DNER: variants seen among roughly 807,000 people sequenced by gnomAD.
DNER encodes the protein delta/notch like EGF repeat containing.
In DNER, 33 loss-of-function variants were observed where a neutral mutation model predicts 78.2. That is an observed-to-expected ratio of 0.42 (90% CI 0.32 to 0.56). DNER has a LOEUF of 0.56. DNER is among the 20% of genes least tolerant of loss of function. The pLI is 0.11. For synonymous variants in DNER, 417 were observed against 384.8 expected (o/e 1.08, Z -0.98); for missense variants, 918 against 975.3 (o/e 0.94, Z 0.78).
chr2:229,606,712 G>T (rs1206790255), intron 1 of DNER, among the ~76,000 whole-genome samples: 1 of 152,062 alleles, frequency 6.6e-6, no homozygotes, highest in African/African-American at 2.4e-5. Context: ...GACCAACATG[G>T]TGAAACCCTG....
chr2:229,506,689 G>T (rs529296967), intron 6 of DNER, among the ~76,000 whole-genome samples: 18 of 136,644 alleles, frequency 1.3e-4, no homozygotes, highest in Non-Finnish European at 2.6e-4. Flanking sequence ...CCCACCACAG[G>T]CCCCGGTGTG....
chr2:229,409,389 T>C (rs1234474028), intron 9 of DNER, among the ~76,000 whole-genome samples: 1 of 152,188 alleles, frequency 6.6e-6, no homozygotes, highest in Non-Finnish European at 1.5e-5. Context: ...ACATTTCCAT[T>C]AGACCTGAAG....
At chr2:229,383,914 T>C (rs573246500) in intron 11 of DNER, among the ~76,000 whole-genome samples, 4 of 152,250 alleles carry the variant, frequency 2.6e-5, no homozygotes, top group African/African-American at 7.2e-5. Flanking sequence ...GCAGACCTAA[T>C]AGACATCTAC....
Position 229,588,458 on chromosome 2 carries a change from T to A in DNER, c.616A>T (p.Ser206Cys). Residue 206 changes from serine (S) to cysteine (C), a missense_variant, in exon 3 of 13, where the codon AGT becomes TGT. By Grantham distance (112) the Ser-to-Cys change is moderately radical (BLOSUM62 -1). Coordinates refer to ENST00000341772, the MANE Select transcript of DNER (RefSeq NM_139072.4). Reference sequence around the variant, plus strand: ...CGGCCACCCGCAGAGCTGTTAGAACTGGCATTCCCACAGGCAATATCTGGG... The same window carrying A: ...CGGCCACCCGCAGAGCTGTTAGAACAGGCATTCCCACAGGCAATATCTGGG... ...VIPDIACGNA[S>C]SNSSAGGRLV... The A allele has an allele frequency of 6.3e-7, 1 of 1,586,612 alleles. No homozygotes were observed. The highest frequency in any genetic ancestry group is 8.6e-7 in the Non-Finnish European group (1 of 1,163,746).
At chr2:229,372,170 G>A (rs1193536703) in intron 11 of DNER, among the ~76,000 whole-genome samples, 2 of 152,214 alleles carry the variant, frequency 1.3e-5, no homozygotes, top group African/African-American at 2.4e-5. Context: ...GGAAAGCAAG[G>A]GAAAATAGAG....
intron 1 of DNER, among the ~76,000 whole-genome samples, chr2:229,676,500 C>A (rs1344421336): frequency 2.0e-5 from 3 of 152,166 alleles, no homozygotes; most frequent in African/African-American, 7.2e-5. Context: ...TGGCCCGATC[C>A]TAAGACTTTT....
chr2:229,422,883 G>A (rs1693796798), intron 8 of DNER, among the ~76,000 whole-genome samples: 1 of 152,158 alleles, frequency 6.6e-6, no homozygotes, highest in Non-Finnish European at 1.5e-5. Flanking sequence ...GCAAAAAGGA[G>A]GAGAAAAGCC....
intron 1 of DNER, among the ~76,000 whole-genome samples, chr2:229,710,983 GCACACACACACACACACACACA>G (rs34720917): frequency 2.1e-5 from 3 of 139,724 alleles, no homozygotes; most frequent in Non-Finnish European, 3.1e-5. Flanking sequence ...GCATACACGC[GCACACACACACACACACACACA>G]CACACACACA....
intron 4 of DNER, among the ~76,000 whole-genome samples, chr2:229,560,902 A>AG (rs113260013): frequency 0.014 from 2,110 of 152,290 alleles, 64 homozygotes; most frequent in African/African-American, 0.048. Flanking sequence ...GCATTTAAAA[A>AG]GTGTCACCAC....
intron 5 of DNER, among the ~76,000 whole-genome samples, chr2:229,515,126 AG>A (rs1254725153): frequency 1.3e-5 from 2 of 152,202 alleles, no homozygotes; most frequent in Non-Finnish European, 2.9e-5. Context: ...TCTTCATTCT[AG>A]CAATAAAATG....
At chr2:229,644,835 T>G (rs1320542450) in intron 1 of DNER, among the ~76,000 whole-genome samples, 1 of 152,134 alleles carries the variant, frequency 6.6e-6, no homozygotes, top group Non-Finnish European at 1.5e-5. Context: ...GGTATTTCAA[T>G]CACAACACTG....
At chr2:229,430,534 A>G (rs1328659254) in intron 8 of DNER, among the ~76,000 whole-genome samples, 1 of 152,146 alleles carries the variant, frequency 6.6e-6, no homozygotes, top group Non-Finnish European at 1.5e-5. Context: ...CTAGCCTCCC[A>G]GCCTACATCT....
intron 6 of DNER, among the ~76,000 whole-genome samples, chr2:229,498,236 G>A (rs560974537): frequency 9.2e-5 from 14 of 152,230 alleles, no homozygotes; most frequent in African/African-American, 3.4e-4. Context: ...ATCCTTTCAT[G>A]ATAAAAACTC....
chr2:229,445,179 T>C (rs548524712), intron 8 of DNER, among the ~76,000 whole-genome samples: 12 of 152,302 alleles, frequency 7.9e-5, no homozygotes, highest in African/African-American at 1.2e-4. Flanking sequence ...AAACACAAGT[T>C]GTCTCAGTGA....
In DNER at chr2:229,358,154, G is replaced by A. The variant is rs1212059505; in HGVS notation, c.*386C>T. 1 of 160,988 alleles carries A rather than the reference G, an allele frequency of 6.2e-6. No homozygotes were observed. Among genetic ancestry groups the A allele is most frequent in the African/African-American group, 2.4e-5 (1 of 41,516 alleles). 10.0% of individuals were successfully genotyped at this position (160,988 alleles called of 1,614,324 possible). ...GGGTATACTCTATTATACATCATAT[G>A]CTACGTTACGTGGTTTTCCTAACTC... On this transcript the variant is annotated 3_prime_UTR_variant, in exon 13 of 13. Transcript: ENST00000341772.
chr2:229,709,034 C>T (rs1039978838), intron 1 of DNER, among the ~76,000 whole-genome samples: 1 of 152,118 alleles, frequency 6.6e-6, no homozygotes, highest in African/African-American at 2.4e-5. Flanking sequence ...TTTTCATTTT[C>T]AAAACATGTC....
At chr2:229,397,332 G>A (rs141572416) in intron 10 of DNER, among the ~76,000 whole-genome samples, 6 of 151,894 alleles carry the variant, frequency 4.0e-5, no homozygotes, top group African/African-American at 1.4e-4. Context: ...CAGCAACCCG[G>A]AAATGTCAAA....
At chr2:229,670,996 A>G (rs1699197721) in intron 1 of DNER, among the ~76,000 whole-genome samples, 3 of 152,090 alleles carry the variant, frequency 2.0e-5, no homozygotes, top group African/African-American at 7.2e-5. Context: ...GGGAGGGGGA[A>G]TTTTTTTCTG....
chr2:229,612,770 T>C (rs1288895673), intron 1 of DNER, among the ~76,000 whole-genome samples: 1 of 152,216 alleles, frequency 6.6e-6, no homozygotes, highest in Admixed American at 6.5e-5. Flanking sequence ...ATCTAGAGTC[T>C]GTGATAATTT....
Sources: allele counts gnomAD v4.1 joint callset (sites outside exome capture counted in the v4.1 genomes callset), GRCh38; gene constraint gnomAD v4.1.1; transcripts MANE v1.5; gene names NCBI Gene and HGNC (gene_info 2026-07-23, HGNC 2026-07-21).